SLC22A3: variants seen among roughly 807,000 people sequenced by gnomAD.
SLC22A3 encodes the protein EMT organic cation transporter 3.
SLC22A3 carries 51 observed loss-of-function variants against 59.1 expected under a neutral mutation model. That is an observed-to-expected ratio of 0.86 (90% CI 0.69 to 1.09). The LOEUF (loss-of-function observed/expected upper bound fraction) is 1.09. Ranked by LOEUF, SLC22A3 falls within the 50% of genes least tolerant of loss-of-function variation. The pLI is 0.00. For missense variants in SLC22A3, 711 were observed against 726.3 expected (o/e 0.98, Z 0.24); for synonymous variants, 325 against 292.0 (o/e 1.11, Z -1.15).
Position 160,409,022 on chromosome 6 carries a change from T to C in SLC22A3, c.857+101T>C, listed in dbSNP as rs571520623. 26 of 1,037,654 alleles carry C rather than the reference T, an allele frequency of 2.5e-5. No individual in the cohort carries two copies. In the East Asian group the frequency reaches 5.5e-4, roughly 22 times the overall value. 64.3% of individuals were successfully genotyped at this position (1,037,654 alleles called of 1,614,324 possible). A position where few individuals can be genotyped will look rare whatever the true frequency, so the allele number is the denominator to read the frequency against. On this transcript the variant is annotated intron_variant, in intron 4 of 10. Transcript: ENST00000275300. Reference sequence around the variant, plus strand: ...AGCAATAAAGAAAATTTTCTTTTTTTTTTTTTTTTTTATTATACTCTAAGT... The same window carrying C: ...AGCAATAAAGAAAATTTTCTTTTTTCTTTTTTTTTTTATTATACTCTAAGT...
intron 1 of SLC22A3, among the ~76,000 whole-genome samples, chr6:160,392,560 T>A (rs1018295413): frequency 6.6e-6 from 1 of 152,168 alleles, no homozygotes; most frequent in African/African-American, 2.4e-5. Flanking sequence ...AAAATTGGAG[T>A]GATCTCCAAC....
intron 1 of SLC22A3, among the ~76,000 whole-genome samples, chr6:160,385,018 T>A (rs112231333): frequency 6.6e-6 from 1 of 152,222 alleles, no homozygotes; most frequent in Non-Finnish European, 1.5e-5. Flanking sequence ...AGTGGGCAGC[T>A]CCCTGCCTCC....
At position 160,412,997 on chromosome 6, in the gene SLC22A3, CTAGAAAGGAATATAGAAAAATAAGAATA is replaced by C. The variant is rs1167691772; in HGVS notation, c.975+2191_975+2218del. ...TAAAGTGTTCTAGAAAAATAGGCATCTAGAAAGGAATATAGAAAAATAAGAATATAGAAAGGAATATAGAAAAATAAGA... is the reference window on the plus strand; with the variant it reads ...TAAAGTGTTCTAGAAAAATAGGCATCTAGAAAGGAATATAGAAAAATAAGA... On this transcript the variant is annotated intron_variant, in intron 5 of 10. Coordinates refer to ENST00000275300, the MANE Select transcript of SLC22A3 (RefSeq NM_021977.4). Among the ~76,000 whole-genome samples the C allele has an allele frequency of 1.5e-3, 221 of 149,600 alleles. 1 individual carries two copies. The highest frequency in any genetic ancestry group is 5.0e-3 in the African/African-American group (205 of 40,654).
chr6:160,443,849 T>G (rs747985547), intron 9 of SLC22A3, 107 bp downstream of exon 9: 9 of 504,866 alleles, frequency 1.8e-5, no homozygotes, highest in Non-Finnish European at 3.0e-5. Flanking sequence ...GTCATTTATC[T>G]TATTATAATA....
chr6:160,407,096 G>C lies in SLC22A3; in HGVS notation c.589G>C (p.Val197Leu). ...CTGCCTTGGTGTTGGCGTCACTGGG[G>C]TTGTGGTGGCCTTTGCACCAAACTT... ...LSCLGVGVTG[V>L]VVAFAPNFPV... is the part of the protein sequence containing the mutation. Residue 197 changes from valine (V) to leucine (L), a missense_variant, in exon 3 of 11, where the codon GTT (valine) becomes CTT (leucine). By Grantham distance (32) the Val-to-Leu change is conservative. Transcript: ENST00000275300. 6.2e-7 allele frequency: 1 copy of C among 1,612,564 alleles called. No homozygotes were observed. The highest frequency in any genetic ancestry group is 8.5e-7 in the Non-Finnish European group (1 of 1,179,246).
intron 1 of SLC22A3, among the ~76,000 whole-genome samples, chr6:160,354,426 G>A (rs551009283): frequency 3.9e-5 from 6 of 152,302 alleles, no homozygotes; most frequent in African/African-American, 1.4e-4. Flanking sequence ...CCTTAAGCCA[G>A]GTGGGAGTCA....
intron 2 of SLC22A3, among the ~76,000 whole-genome samples, chr6:160,404,416 C>T (rs978440386): frequency 6.6e-5 from 10 of 151,944 alleles, no homozygotes; most frequent in African/African-American, 2.2e-4. Flanking sequence ...AGGAAAAGTG[C>T]AAAACTCTAA....
chr6:160,388,081 A>G (rs1280614374), intron 1 of SLC22A3, among the ~76,000 whole-genome samples: 1 of 152,142 alleles, frequency 6.6e-6, no homozygotes, highest in East Asian at 1.9e-4. Flanking sequence ...TGCGTGGGAG[A>G]CACTAACAGG....
Position 160,443,760 on chromosome 6 carries a change from A to G in SLC22A3, c.1510+18A>G, listed in dbSNP as rs1255187480. 1.3e-6 allele frequency: 2 copies of G among 1,484,582 alleles called. No homozygotes were observed. Among genetic ancestry groups the G allele is most frequent in the South Asian group, 1.2e-5 (1 of 83,878 alleles). 92.0% of individuals were successfully genotyped at this position (1,484,582 alleles called of 1,614,324 possible). On this transcript the variant is annotated intron_variant, in intron 9 of 10. Transcript: ENST00000275300. The stretch of plus-strand genomic sequence containing the variant: ...CATCTTTGGTAAGAACTCATTTGCT[A>G]TTCTTAAGAGCCTTCATCTACATTC...
intron 1 of SLC22A3, among the ~76,000 whole-genome samples, chr6:160,358,053 C>G (rs1198004367): frequency 6.6e-6 from 1 of 152,102 alleles, no homozygotes; most frequent in East Asian, 1.9e-4. Flanking sequence ...ATAAAATTGT[C>G]TATTTATCAA....
chr6:160,380,979 T>C (rs1409461645), intron 1 of SLC22A3, among the ~76,000 whole-genome samples: 1 of 152,140 alleles, frequency 6.6e-6, no homozygotes, highest in African/African-American at 2.4e-5. Flanking sequence ...AAGGTAAACA[T>C]AATTCAAATA....
At chr6:160,391,557 G>C (rs1443604785) in intron 1 of SLC22A3, among the ~76,000 whole-genome samples, 1 of 152,114 alleles carries the variant, frequency 6.6e-6, no homozygotes, top group Non-Finnish European at 1.5e-5. Flanking sequence ...ACAGACCTGG[G>C]AGCGGCCAAG....
intron 1 of SLC22A3, among the ~76,000 whole-genome samples, chr6:160,393,810 C>T (rs1411116844): frequency 2.0e-5 from 3 of 152,102 alleles, no homozygotes; most frequent in Non-Finnish European, 2.9e-5. Context: ...AATTACTTGC[C>T]CCAGCATTTC....
intron 1 of SLC22A3, among the ~76,000 whole-genome samples, chr6:160,385,626 G>C (rs1785974993): frequency 1.3e-5 from 2 of 152,178 alleles, no homozygotes; most frequent in Non-Finnish European, 2.9e-5. Flanking sequence ...TGGACCCATG[G>C]GCTCCTGCAC....
chr6:160,439,327 A>G (rs1788460397), intron 7 of SLC22A3, among the ~76,000 whole-genome samples: 1 of 152,188 alleles, frequency 6.6e-6, no homozygotes, highest in South Asian at 2.1e-4. Flanking sequence ...TTCTCATCGT[A>G]TGTGGACTAG....
intron 1 of SLC22A3, among the ~76,000 whole-genome samples, chr6:160,356,137 C>T (rs1304034330): frequency 6.6e-6 from 1 of 152,238 alleles, no homozygotes; most frequent in African/African-American, 2.4e-5. Context: ...AACCCAGGCC[C>T]TCTACCGATG....
At chr6:160,392,222 C>T (rs1299463766) in intron 1 of SLC22A3, among the ~76,000 whole-genome samples, 1 of 152,192 alleles carries the variant, frequency 6.6e-6, no homozygotes, top group Non-Finnish European at 1.5e-5. Context: ...ACGTTTCTGT[C>T]TCTGTGGCTG....
chr6:160,404,848 C>A, intron 2 of SLC22A3, among the ~76,000 whole-genome samples: 1 of 139,186 alleles, frequency 7.2e-6, no homozygotes. Context: ...GGTACTGGAA[C>A]AACTGGACAA....
intron 1 of SLC22A3, among the ~76,000 whole-genome samples, chr6:160,392,565 T>G (rs767370192): frequency 1.3e-5 from 2 of 152,236 alleles, no homozygotes; most frequent in African/African-American, 4.8e-5. Context: ...TGGAGTGATC[T>G]CCAACATACC....
Sources: gnomAD v4.1 joint callset for allele counts (sites outside exome capture counted in the v4.1 genomes callset) on GRCh38, gnomAD v4.1.1 for gene constraint, MANE v1.5 for transcripts, NCBI Gene and HGNC (gene_info 2026-07-23, HGNC 2026-07-21) for gene names.